Variants in PLEKHA2 observed in about 807,000 individuals in gnomAD.
PLEKHA2 encodes the protein pleckstrin homology domain containing A2, also known as pleckstrin homology domain-containing family A member 2.
A neutral mutation model predicts 53.2 loss-of-function variants in PLEKHA2; 28 were observed. The ratio of observed to expected loss-of-function variants is 0.53; its 90% CI spans 0.39 to 0.72. PLEKHA2 has a LOEUF of 0.72. Among genes scored for constraint, PLEKHA2 ranks in the 30% least tolerant of loss-of-function variants. The pLI is 0.00. For missense variants in PLEKHA2, 426 were observed against 537.9 expected, an observed-to-expected ratio of 0.79 and a Z score of 2.06; for synonymous variants, 193 against 196.4, an observed-to-expected ratio of 0.98 and a Z score of 0.14.
intron 3 of PLEKHA2, among the ~76,000 whole-genome samples, chr8:38,940,652 G>A (rs1030007927): frequency 1.3e-4 from 4 of 31,866 alleles, no homozygotes; most frequent in Non-Finnish European, 2.7e-4. Flanking sequence ...TGAAGGGGCG[G>A]GGGGGGGGGG....
Position 38,946,214 on chromosome 8 carries a change from A to G in PLEKHA2, c.338A>G (p.Lys113Arg), listed in dbSNP as rs991776179. The G allele has an allele frequency of 6.3e-6, 10 of 1,599,782 alleles. No individual in the cohort carries two copies. Among genetic ancestry groups the G allele is most frequent in the African/African-American group, 1.3e-5 (1 of 74,798 alleles). Reference protein sequence around the residue: ...DWVEALNQASKITVPKGGGLP... With the variant: ...DWVEALNQASRITVPKGGGLP... ...GTTGAAGCCCTGAACCAAGCCAGCAAGATCACCGTAAGTTTGGTTTCTTCT... is the reference window on the plus strand; with the variant it reads ...GTTGAAGCCCTGAACCAAGCCAGCAGGATCACCGTAAGTTTGGTTTCTTCT... The change falls in exon 5 of 12, where the codon AAG becomes AGG. Residue 113 changes from lysine to arginine, a missense_variant. Lys to Arg is a conservative substitution (Grantham distance 26). Transcript: ENST00000617275.
At chr8:38,952,108 T>TG in intron 6 of PLEKHA2, 58 bp from the exon 7 acceptor site, 1 of 1,563,066 alleles carries the variant, frequency 6.4e-7, no homozygotes, top group Non-Finnish European at 8.7e-7. Context: ...GGGAGGTAGG[T>TG]GGGGCTGTGG....
chr8:38,962,968 G>A (rs1163494415), intron 10 of PLEKHA2, among the ~76,000 whole-genome samples: 1 of 152,206 alleles, frequency 6.6e-6, no homozygotes, highest in Non-Finnish European at 1.5e-5. Flanking sequence ...TCTTGGGAAA[G>A]GAGGGTTGCA....
chr8:38,904,907 C>T (rs2152363153), intron 1 of PLEKHA2, among the ~76,000 whole-genome samples: 1 of 152,348 alleles, frequency 6.6e-6, no homozygotes, highest in Middle Eastern at 3.4e-3. Flanking sequence ...TACCCAATGT[C>T]TGGGTGTCCA....
At chr8:38,958,031 A>C (rs1318491571) in intron 10 of PLEKHA2, among the ~76,000 whole-genome samples, 1 of 152,182 alleles carries the variant, frequency 6.6e-6, no homozygotes, top group Non-Finnish European at 1.5e-5. Flanking sequence ...TTTAGTATTG[A>C]AACTGACACT....
At chr8:38,945,540 T>C (rs921701683) in intron 4 of PLEKHA2, among the ~76,000 whole-genome samples, 3 of 152,212 alleles carry the variant, frequency 2.0e-5, no homozygotes, top group Non-Finnish European at 2.9e-5. Context: ...TCTCACGTTT[T>C]GTGGTTATCA....
At chr8:38,964,713 A>G (rs927699526) in intron 10 of PLEKHA2, among the ~76,000 whole-genome samples, 1 of 152,182 alleles carries the variant, frequency 6.6e-6, no homozygotes, top group Non-Finnish European at 1.5e-5. Context: ...TAACTGAAAA[A>G]AAAAATCAAG....
chr8:38,916,657 T>C (rs909750024), intron 1 of PLEKHA2, among the ~76,000 whole-genome samples: 1 of 152,230 alleles, frequency 6.6e-6, no homozygotes, highest in African/African-American at 2.4e-5. Flanking sequence ...ACATTTTCTT[T>C]ATTCATTCAT....
chr8:38,971,339 GC>G lies in PLEKHA2; in HGVS notation c.*1557del, dbSNP rs1023396291. ...CTGCCTTTCCTATACACGCTGGTGT[GC>G]TTTTGCCCTCAGAAATTCTTGGTTT... On this transcript the variant is annotated 3_prime_UTR_variant, in exon 12 of 12. Coordinates refer to ENST00000617275, the MANE Select transcript of PLEKHA2 (RefSeq NM_021623.2). 6 of 153,938 alleles carry G rather than the reference GC, an allele frequency of 3.9e-5. No homozygotes were observed. Among genetic ancestry groups the G allele is most frequent in the African/African-American group, 1.4e-4 (6 of 41,458 alleles). 9.5% of individuals were successfully genotyped at this position (153,938 alleles called of 1,614,324 possible). A position where few individuals can be genotyped will look rare whatever the true frequency, so the allele number is the denominator to read the frequency against.
intron 7 of PLEKHA2, 146 bp from the exon 8 acceptor site, chr8:38,952,490 C>G: frequency 7.9e-7 from 1 of 1,273,510 alleles, no homozygotes; most frequent in South Asian, 1.4e-5. Flanking sequence ...AGAGGTGTTG[C>G]CCCTGATATG....
intron 1 of PLEKHA2, among the ~76,000 whole-genome samples, chr8:38,915,811 G>A (rs969111737): frequency 1.3e-5 from 2 of 152,010 alleles, no homozygotes; most frequent in Admixed American, 1.3e-4. Flanking sequence ...CTTAATTCCT[G>A]GCAGAATTTT....
intron 10 of PLEKHA2, among the ~76,000 whole-genome samples, chr8:38,960,549 A>T (rs1835023194): frequency 6.6e-6 from 1 of 151,958 alleles, no homozygotes; most frequent in Non-Finnish European, 1.5e-5. Context: ...TTGTGAAAAA[A>T]ACATATTTCT....
chr8:38,939,683 T>G (rs1186219938), intron 3 of PLEKHA2, among the ~76,000 whole-genome samples: 1 of 152,212 alleles, frequency 6.6e-6, no homozygotes, highest in African/African-American at 2.4e-5. Flanking sequence ...ACAGTCCGCC[T>G]GTGGTGCTCT....
intron 1 of PLEKHA2, among the ~76,000 whole-genome samples, chr8:38,909,129 C>T (rs1300962182): frequency 6.7e-6 from 1 of 149,058 alleles, no homozygotes; most frequent in Non-Finnish European, 1.5e-5. Context: ...GGCGACAGAG[C>T]GAGACTCTGT....
chr8:38,970,109 C>T lies in PLEKHA2; in HGVS notation c.*326C>T. 2.2e-6 allele frequency: 1 copy of T among 461,502 alleles called. No individual in the cohort carries two copies. 28.6% of individuals were successfully genotyped at this position (461,502 alleles called of 1,614,324 possible). On this transcript the variant is annotated 3_prime_UTR_variant, in exon 12 of 12. Transcript: ENST00000617275. ...TCCTGGAGAGGGATTGTTTTAGCAG[C>T]TCCTCTCCAGAGGGGGCTGGAAGTC...
chr8:38,925,370 T>C lies in PLEKHA2; in HGVS notation c.141+7300T>C, dbSNP rs139452830. 5.6e-4 allele frequency among the ~76,000 whole-genome samples: 85 copies of C among 152,334 alleles called. 2 individuals are homozygous for C. In the East Asian group the frequency reaches 0.015, roughly 27 times the overall value. On this transcript the variant is annotated intron_variant, in intron 2 of 11. Coordinates refer to ENST00000617275, the MANE Select transcript of PLEKHA2 (RefSeq NM_021623.2). The stretch of plus-strand genomic sequence containing the variant: ...AGAATTGCTTACATCCCCCACTTTC[T>C]AAAGTCCACTTGGCTAAGTAATTGC...
At chr8:38,912,113 C>T (rs1335691620) in intron 1 of PLEKHA2, among the ~76,000 whole-genome samples, 1 of 152,144 alleles carries the variant, frequency 6.6e-6, no homozygotes, top group Non-Finnish European at 1.5e-5. Context: ...CCAGCCTGGC[C>T]AACATGGTGA....
chr8:38,968,621 G>A lies in PLEKHA2; in HGVS notation c.867G>A (p.Trp289Ter). 6.2e-7 allele frequency: 1 copy of A among 1,614,022 alleles called. No homozygotes were observed. The highest frequency in any genetic ancestry group is 8.5e-7 in the Non-Finnish European group (1 of 1,179,892). The change falls in exon 11 of 12, where the codon TGG becomes TGA. Residue 289 changes from tryptophan (W) to a stop codon, truncating the protein, a stop_gained. Transcript: ENST00000617275. LOFTEE classifies it high-confidence loss of function. ...QADSPEDMHSWIKEIGAAVQA... is the reference protein window; with the variant it reads ...QADSPEDMHS ...ACAGTCCAGAAGACATGCACAGCTG[G>A]ATTAAGGAGATTGGCGCAGCTGTCC...
At chr8:38,921,549 C>T (rs770713579) in intron 2 of PLEKHA2, among the ~76,000 whole-genome samples, 1 of 152,214 alleles carries the variant, frequency 6.6e-6, no homozygotes, top group Non-Finnish European at 1.5e-5. Context: ...CACTGGGGCC[C>T]AGAACCTGTG....
Sources: gnomAD v4.1 joint callset for allele counts (sites outside exome capture counted in the v4.1 genomes callset) on GRCh38, gnomAD v4.1.1 for gene constraint, MANE v1.5 for transcripts, NCBI Gene and HGNC (gene_info 2026-07-23, HGNC 2026-07-21) for gene names.